Variants in CTBP1 observed in about 807,000 individuals in gnomAD.
The protein encoded by CTBP1 is C-terminal-binding protein 1.
In CTBP1, 11 loss-of-function variants were observed where a neutral mutation model predicts 42.1. The observed-to-expected ratio is 0.26, with a 90% confidence interval of 0.16 to 0.43. The LOEUF is 0.43. Ranked by LOEUF, CTBP1 falls within the 20% of genes least tolerant of loss-of-function variation. The pLI is 1.00. For missense variants in CTBP1, 399 were observed against 624.3 expected (o/e 0.64, Z 3.85); for synonymous variants, 324 against 277.1 (o/e 1.17, Z -1.68).
In CTBP1 at chr4:1,227,580, G is replaced by A. The variant is rs1730504441; in HGVS notation, c.307+619C>T. 4.0e-5 allele frequency among the ~76,000 whole-genome samples: 6 copies of A among 150,488 alleles called. No homozygotes were observed. In the South Asian group the frequency reaches 8.4e-4, roughly 21 times the overall value. On this transcript the variant is annotated intron_variant, in intron 4 of 9. Transcript: ENST00000382952. Reference sequence around the variant, plus strand: ...TGCGTGTTCTGTGTGCTGAGTGTGCGTGATCCGTGTGCTGAGTGCATGTGC... The same window carrying A: ...TGCGTGTTCTGTGTGCTGAGTGTGCATGATCCGTGTGCTGAGTGCATGTGC...
intron 2 of CTBP1, among the ~76,000 whole-genome samples, chr4:1,240,040 T>G (rs1732001574): frequency 6.6e-6 from 1 of 152,246 alleles, no homozygotes; most frequent in Non-Finnish European, 1.5e-5. Context: ...ACATCCGCTC[T>G]CAGTATCCTT....
At chr4:1,248,507 G>C (rs1394731768) in intron 1 of CTBP1, among the ~76,000 whole-genome samples, 1 of 150,326 alleles carries the variant, frequency 6.7e-6, no homozygotes, top group Admixed American at 6.6e-5. Context: ...CCCCATCCCG[G>C]CCCCGCAGGC....
chr4:1,246,986 G>A (rs1463693086), intron 1 of CTBP1, among the ~76,000 whole-genome samples: 3 of 152,214 alleles, frequency 2.0e-5, no homozygotes, highest in African/African-American at 7.2e-5. Flanking sequence ...GCAGGGGGCC[G>A]GCTCTGCGCC....
At chr4:1,215,917 G>T in intron 6 of CTBP1, 74 bp downstream of exon 6, 3 of 1,480,212 alleles carry the variant, frequency 2.0e-6, no homozygotes, top group Non-Finnish European at 2.7e-6. Flanking sequence ...ATGGCTGCTG[G>T]GAGGGACCTG....
At chr4:1,245,732 G>A (rs1451572202) in intron 1 of CTBP1, 1 of 961,494 alleles carries the variant, frequency 1.0e-6, no homozygotes, top group Non-Finnish European at 1.2e-6. Flanking sequence ...GGTCAGGGTG[G>A]CACGTGTGGG....
chr4:1,245,234 A>G lies in CTBP1; in HGVS notation c.-189+3682T>C, dbSNP rs1056692379. On this transcript the variant is annotated intron_variant, in intron 1 of 9. Transcript: ENST00000382952. ...CCTGCAGGGCCGCATCACAGCTCAG[A>G]GGACACAGCGCAGGGGCTGTGATCA... 4 of 985,342 alleles carry G rather than the reference A, an allele frequency of 4.1e-6. No individual in the cohort carries two copies. In the African/African-American group the frequency reaches 5.2e-5, roughly 13 times the overall value. 61.0% of individuals were successfully genotyped at this position (985,342 alleles called of 1,614,324 possible).
intron 8 of CTBP1, 88 bp from the exon 9 acceptor site, chr4:1,213,118 T>C (rs1368437344): frequency 8.8e-7 from 1 of 1,142,534 alleles, no homozygotes; most frequent in Non-Finnish European, 1.3e-6. Context: ...GGCAGCAGGA[T>C]TCTTGGCAGT....
upstream of CTBP1, chr4:1,249,844 C>T (rs907641250): frequency 1.4e-5 from 3 of 210,810 alleles, no homozygotes; most frequent in South Asian, 4.0e-5. Flanking sequence ...AACGTCCTGA[C>T]AGCTCAGCTC....
chr4:1,246,168 C>T (rs748421343), intron 1 of CTBP1, among the ~76,000 whole-genome samples: 27 of 152,170 alleles, frequency 1.8e-4, no homozygotes, highest in Non-Finnish European at 3.4e-4. Flanking sequence ...CAGTGGGCTC[C>T]GGCCACTGCA....
chr4:1,220,960 T>C (rs1301826582), intron 5 of CTBP1, among the ~76,000 whole-genome samples: 1 of 152,218 alleles, frequency 6.6e-6, no homozygotes, highest in Non-Finnish European at 1.5e-5. Context: ...AAACGGGTGA[T>C]ACGCTGGGCT....
rs1732172395 is a variant in CTBP1, at chr4:1,241,506, G to A, written c.-175C>T. 1 of 1,599,210 alleles carries A rather than the reference G, an allele frequency of 6.3e-7. No homozygotes were observed. The highest frequency in any genetic ancestry group is 8.5e-7 in the Non-Finnish European group (1 of 1,177,962). ...GCGGCAATCACTGAAGCCTGCGTCG[G>A]GGTCAAAGTCTTACTAAAAATCAAA... On this transcript the variant is annotated 5_prime_UTR_variant, in exon 2 of 10. Transcript: ENST00000382952.
At chr4:1,226,164 T>C (rs997888604) in intron 4 of CTBP1, among the ~76,000 whole-genome samples, 4 of 152,022 alleles carry the variant, frequency 2.6e-5, no homozygotes, top group Non-Finnish European at 2.9e-5. Context: ...CGCCCATGTG[T>C]GACCCCTACT....
intron 2 of CTBP1, among the ~76,000 whole-genome samples, chr4:1,240,400 T>C (rs1158708091): frequency 2.6e-3 from 1 of 386 alleles, no homozygotes; most frequent in East Asian, 0.036. Flanking sequence ...CGGAACCGCG[T>C]GGGGGACTCC....
rs1216185289 is a variant in CTBP1, at chr4:1,228,182, A to G, written c.307+17T>C. 1.2e-6 allele frequency: 2 copies of G among 1,613,420 alleles called. No individual in the cohort carries two copies. The highest frequency in any genetic ancestry group is 2.7e-5 in the African/African-American group (2 of 74,932). ...CTTGCATGAATGGGCACAGGAGAGAACTCGGAGCCGGCCTACCTAAATCCC... is the reference window on the plus strand; with the variant it reads ...CTTGCATGAATGGGCACAGGAGAGAGCTCGGAGCCGGCCTACCTAAATCCC... On this transcript the variant is annotated intron_variant, in intron 4 of 9. Transcript: ENST00000382952.
chr4:1,249,684 G>T, upstream of CTBP1: 2 of 421,848 alleles, frequency 4.7e-6, no homozygotes, highest in Non-Finnish European at 9.5e-6. Flanking sequence ...ACCCCGAGAG[G>T]AGAAGCGCGC....
chr4:1,225,338 C>A (rs369647215), intron 5 of CTBP1, 22 bp downstream of exon 5: 2 of 1,533,338 alleles, frequency 1.3e-6, no homozygotes, highest in Non-Finnish European at 1.7e-6. Context: ...GGGACACAGG[C>A]GTGGAGCTGC....
At chr4:1,239,910 C>T (rs1427838104) in intron 2 of CTBP1, among the ~76,000 whole-genome samples, 2 of 152,256 alleles carry the variant, frequency 1.3e-5, no homozygotes, top group African/African-American at 2.4e-5. Context: ...ATAGACAGGC[C>T]GCCCAGTGAC....
chr4:1,228,068 C>G (rs1303362933), intron 4 of CTBP1, 131 bp downstream of exon 4: 2 of 1,327,498 alleles, frequency 1.5e-6, no homozygotes, highest in Non-Finnish European at 1.0e-6. Context: ...GACGGGACCA[C>G]GAACCACCGC....
chr4:1,221,513 G>A (rs1729730981), intron 5 of CTBP1: 1 of 157,494 alleles, frequency 6.3e-6, no homozygotes, highest in African/African-American at 2.4e-5. Flanking sequence ...GCATCACCAA[G>A]AGTCTGGAGA....
Sources: allele counts gnomAD v4.1 joint callset (sites outside exome capture counted in the v4.1 genomes callset), GRCh38; gene constraint gnomAD v4.1.1; transcripts MANE v1.5; gene names NCBI Gene and HGNC (gene_info 2026-07-23, HGNC 2026-07-21).